Variants in MKI67 observed in about 807,000 individuals in gnomAD.
MKI67 encodes proliferation marker protein Ki-67.
Under a neutral mutation model 233.5 loss-of-function variants are expected in MKI67, and 152 were observed. The observed-to-expected ratio is 0.65, with a 90% confidence interval of 0.57 to 0.74. MKI67 has a LOEUF of 0.74. MKI67 is among the 30% of genes least tolerant of loss of function. MKI67 has a pLI of 0.00. For missense variants in MKI67, 3,940 were observed against 3,885.2 expected (o/e 1.01, Z -0.37); for synonymous variants, 1,465 against 1,418.5 (o/e 1.03, Z -0.74).
Position 128,104,167 on chromosome 10 carries a change from T to A in MKI67, c.7673A>T (p.Asp2558Val). 1 of 1,613,980 alleles carries A rather than the reference T, an allele frequency of 6.2e-7. No homozygotes were observed. The highest frequency in any genetic ancestry group is 8.5e-7 in the Non-Finnish European group (1 of 1,180,008). Residue 2558 changes from aspartate (D) to valine (V), a missense_variant, in exon 13 of 15, where the codon GAC becomes GTC. Transcript: ENST00000368654. The stretch of plus-strand genomic sequence containing the variant: ...GAAGAGCTCTTTGAAGTCAACCAGG[T>A]CTTCTAGAGCACGGGCCTTTTCCTT... ...TRKEKARALE[D>V]LVDFKELFSA...
rs773389589 is a variant in MKI67, at chr10:128,115,086, T to C, written c.1322A>G (p.Asn441Ser). ...GAGCCACAGAGTTAAAAATGGCTCATTGTGAATTTCAGTTTCCGTAGGCAG... is the reference window on the plus strand; with the variant it reads ...GAGCCACAGAGTTAAAAATGGCTCACTGTGAATTTCAGTTTCCGTAGGCAG... Reference protein sequence around the residue: ...EVLPTETEIHNEPFLTLWLTQ... With the variant: ...EVLPTETEIHSEPFLTLWLTQ... Residue 441 changes from asparagine to serine, a missense_variant, in exon 7 of 15, where the codon AAT (asparagine) becomes AGT (serine). Asn to Ser is a conservative substitution (Grantham distance 46, BLOSUM62 1). Transcript: ENST00000368654. The C allele has an allele frequency of 3.7e-6, 6 of 1,613,828 alleles. No individual in the cohort carries two copies. The highest frequency in any genetic ancestry group is 5.1e-6 in the Non-Finnish European group (6 of 1,179,824).
rs753414992 is a variant in MKI67, at chr10:128,106,757, T to G, written c.5083A>C (p.Arg1695=). ...TTTCCCTTAGGAGTTCTCAGCTGCCTCTTGCTGCCAGTTAGACTTGCTGCT... is the reference window on the plus strand; with the variant it reads ...TTTCCCTTAGGAGTTCTCAGCTGCCGCTTGCTGCCAGTTAGACTTGCTGCT... The part of the protein sequence containing the change: ...DSAASLTGSK[R]QLRTPKGKSE... The change falls in exon 13 of 15, where the codon AGG becomes CGG. Residue 1695 remains arginine, a synonymous_variant. Transcript: ENST00000368654. 1.2e-6 allele frequency: 2 copies of G among 1,613,918 alleles called. No individual in the cohort carries two copies. The highest frequency in any genetic ancestry group is 1.7e-6 in the Non-Finnish European group (2 of 1,180,028).
rs1196592028 is a variant in MKI67 at position 128,125,819 on chromosome 10, C to A, written c.-89-63G>T. 2.9e-6 allele frequency: 2 copies of A among 699,832 alleles called. No individual in the cohort carries two copies. The highest frequency in any genetic ancestry group is 1.6e-5 in the South Asian group (1 of 64,090). The allele number at this position is 699,832 out of a possible 1,614,324, so 43.4% of individuals were successfully genotyped here. A position where few individuals can be genotyped will look rare whatever the true frequency, so the allele number is the denominator to read the frequency against. On this transcript the variant is annotated intron_variant, in intron 1 of 14. Transcript: ENST00000368654. The surrounding 1 kb of genome is among the most constrained non-coding windows in gnomAD (Gnocchi z 5.3). ...GCTAAGAAGGGCCCCGTGCCCAATT[C>A]ACCTATCCCCGGCCACAGAAGCGCA...
intron 2 of MKI67, among the ~76,000 whole-genome samples, chr10:128,123,779 C>T (rs186853508): frequency 4.0e-5 from 6 of 151,840 alleles, no homozygotes; most frequent in African/African-American, 1.4e-4. Flanking sequence ...AGTCTCTAAA[C>T]AATAAAAATA....
intron 14 of MKI67, among the ~76,000 whole-genome samples, chr10:128,099,729 A>C (rs1852293914): frequency 6.6e-6 from 1 of 152,202 alleles, no homozygotes; most frequent in Non-Finnish European, 1.5e-5. Context: ...AGGGAGAGGA[A>C]CCATGGTGAA....
chr10:128,122,104 G>A (rs1390506831), intron 4 of MKI67, among the ~76,000 whole-genome samples: 1 of 152,168 alleles, frequency 6.6e-6, no homozygotes, highest in African/African-American at 2.4e-5. Context: ...TATGAGCTGA[G>A]GATGTATTAG....
At position 128,102,686 on chromosome 10, in the gene MKI67, A is replaced by G. The variant is rs754600796; in HGVS notation, c.9154T>C (p.Leu3052=). The change falls in exon 13 of 15, where the codon TTG becomes CTG. Residue 3052 remains leucine (L), a synonymous_variant. Transcript: ENST00000368654. ...SEPVVIMKRS[L]RTSAKRIEPA... ...TCAATTCTTTTTGCAGAAGTCCTCA[A>G]ACTTCTCTTCATGATGACCACGGGT... The G allele has an allele frequency of 6.2e-7, 1 of 1,614,126 alleles. No homozygotes were observed.
Position 128,125,326 on chromosome 10 carries a change from C to T in MKI67, c.92+250G>A, listed in dbSNP as rs977115185. On this transcript the variant is annotated intron_variant, in intron 2 of 14. Transcript: ENST00000368654. The surrounding 1 kb of genome is among the most constrained non-coding windows in gnomAD (Gnocchi z 5.3). ...GAAGATCATCTACATCTTTCTTTAC[C>T]GCAACATTAGCAAATCGATTTTTTT... 2.0e-5 allele frequency among the ~76,000 whole-genome samples: 3 copies of T among 152,066 alleles called. No homozygotes were observed. The highest frequency in any genetic ancestry group is 6.5e-5 in the Admixed American group (1 of 15,270).
chr10:128,107,607 T>G lies in MKI67; in HGVS notation c.4233A>C (p.Thr1411=). ...QKELSALKKL[T]QTSGETTHTD... is the part of the protein sequence containing the mutation. ...TGTGTGTGGTTTCCCCTGATGTCTG[T>G]GTGAGCTTCTTCAGGGCTGAGAGCT... The change falls in exon 13 of 15, where the codon ACA becomes ACC. Residue 1411 remains threonine, a synonymous_variant. Coordinates refer to ENST00000368654, the MANE Select transcript of MKI67 (RefSeq NM_002417.5). The G allele has an allele frequency of 6.2e-7, 1 of 1,614,208 alleles. No homozygotes were observed. The highest frequency in any genetic ancestry group is 8.5e-7 in the Non-Finnish European group (1 of 1,180,036).
Position 128,104,109 on chromosome 10 carries a change from A to G in MKI67, c.7731T>C (p.Thr2577=), listed in dbSNP as rs1255001540. Reference sequence around the variant, plus strand: ...AGGGAATTTTTGTGTTTTTGTCAATAGTCATTGACTCTTCAGTGTGACCTG... The same window carrying G: ...AGGGAATTTTTGTGTTTTTGTCAATGGTCATTGACTCTTCAGTGTGACCTG... The part of the protein sequence containing the change: ...SAPGHTEESM[T]IDKNTKIPCK... Residue 2577 remains threonine (T), a synonymous_variant, in exon 13 of 15, where the codon ACT becomes ACC. Transcript: ENST00000368654. 6.2e-6 allele frequency: 10 copies of G among 1,613,920 alleles called. No homozygotes were observed. Among genetic ancestry groups the G allele is most frequent in the Non-Finnish European group, 8.5e-6 (10 of 1,180,024 alleles).
In MKI67 at chr10:128,112,292, C is replaced by T. The variant is rs770072186; in HGVS notation, c.1810G>A (p.Ala604Thr). ...TCTGTCTGAGATTTGCTGCTGGAAG[C>T]AGGGGCTGTTTTGCAGGACCTACGG... is the stretch of plus-strand genomic sequence containing the variant. ...QRRRSCKTAP[A>T]SSSKSQTEVP... is the part of the protein sequence containing the mutation. The change falls in exon 9 of 15, where the codon GCT becomes ACT. Residue 604 changes from alanine (A) to threonine (T), a missense_variant. By Grantham distance (58) the Ala-to-Thr change is moderately conservative. Coordinates refer to ENST00000368654, the MANE Select transcript of MKI67 (RefSeq NM_002417.5). 21 of 1,614,072 alleles carry T rather than the reference C, an allele frequency of 1.3e-5. No individual in the cohort carries two copies. Among genetic ancestry groups the T allele is most frequent in the Non-Finnish European group, 1.7e-5 (20 of 1,180,052 alleles).
rs1318091944 is a variant in MKI67, at chr10:128,098,164, A to G, written c.*1026T>C. ...GAAAGTAAATGAAGATGAACGAGTT[A>G]TATCTACAAGTCTGAAGCTGGAGAA... On this transcript the variant is annotated 3_prime_UTR_variant, in exon 15 of 15. Transcript: ENST00000368654. 2 of 152,266 alleles carry G rather than the reference A, an allele frequency of 1.3e-5. No homozygotes were observed. Among genetic ancestry groups the G allele is most frequent in the Non-Finnish European group, 2.9e-5 (2 of 68,058 alleles). The allele number at this position is 152,266 out of a possible 1,614,324, so 9.4% of individuals were successfully genotyped here. A position where few individuals can be genotyped will look rare whatever the true frequency, so the allele number is the denominator to read the frequency against.
chr10:128,104,632 A>C lies in MKI67; in HGVS notation c.7208T>G (p.Phe2403Cys). Residue 2403 changes from phenylalanine to cysteine, a missense_variant, in exon 13 of 15, where the codon TTT (phenylalanine) becomes TGT (cysteine). By Grantham distance (205) the Phe-to-Cys change is radical. Coordinates refer to ENST00000368654, the MANE Select transcript of MKI67 (RefSeq NM_002417.5). ...CAGTTTCTGCACTGGAGTTTCCACA[A>C]ATGTGTTGATATTTTTCTCATCACT... ...AVSDEKNINT[F>C]VETPVQKLDL... 6.8e-6 allele frequency: 11 copies of C among 1,613,538 alleles called. No homozygotes were observed. Among genetic ancestry groups the C allele is most frequent in the Non-Finnish European group, 9.3e-6 (11 of 1,179,910 alleles).
intron 12 of MKI67, among the ~76,000 whole-genome samples, chr10:128,109,734 C>T (rs1420908222): frequency 6.6e-6 from 1 of 152,154 alleles, no homozygotes; most frequent in Non-Finnish European, 1.5e-5. Context: ...TAAATATAGG[C>T]ATTTTTTCCT....
intron 11 of MKI67, among the ~76,000 whole-genome samples, chr10:128,110,957 C>A (rs1179954762): frequency 6.6e-6 from 1 of 152,062 alleles, no homozygotes; most frequent in Non-Finnish European, 1.5e-5. Flanking sequence ...TAACACGTAC[C>A]CACATTTTAG....
chr10:128,099,113 G>A lies in MKI67; in HGVS notation c.*77C>T. On this transcript the variant is annotated 3_prime_UTR_variant, in exon 15 of 15. Transcript: ENST00000368654. ...ACAGCCTTACTTACAGAATTCACTT[G>A]TAATTTATGACAAAAACTGCACTAG... The A allele has an allele frequency of 2.6e-6, 3 of 1,167,150 alleles. No homozygotes were observed. The highest frequency in any genetic ancestry group is 3.7e-6 in the Non-Finnish European group (3 of 808,950). 72.3% of individuals were successfully genotyped at this position (1,167,150 alleles called of 1,614,324 possible). A position where few individuals can be genotyped will look rare whatever the true frequency, so the allele number is the denominator to read the frequency against.
chr10:128,115,798 TA>T lies in MKI67; in HGVS notation c.609del (p.Phe203LeufsTer9). On this transcript the variant is annotated frameshift_variant, in exon 7 of 15. Transcript: ENST00000368654. LOFTEE classifies it high-confidence loss of function. ...ACTAATTTAACGCTGGAAATTTCTT[TA>T]AAATCCCCAGAAATGGGATCAGCTG... Reference protein sequence around the residue: ...RNAADPISGDFKEISSVKLVS... With the variant: ...RNAADPISGDXKEISSVKLVS... 1 of 1,611,762 alleles carries T rather than the reference TA, an allele frequency of 6.2e-7. No individual in the cohort carries two copies.
Position 128,101,452 on chromosome 10 carries a change from CT to C in MKI67, c.9510del (p.Glu3171ArgfsTer30). 6.2e-7 allele frequency: 1 copy of C among 1,614,242 alleles called. No individual in the cohort carries two copies. The highest frequency in any genetic ancestry group is 8.5e-7 in the Non-Finnish European group (1 of 1,180,040). On this transcript the variant is annotated frameshift_variant, in exon 14 of 15. Coordinates refer to ENST00000368654, the MANE Select transcript of MKI67 (RefSeq NM_002417.5). LOFTEE classifies it high-confidence loss of function. The stretch of plus-strand genomic sequence containing the variant: ...GCACTCTTCTGCCCTCCGCTCTCCT[CT>C]GCCACCTTAGGCTGGGAGCTCTCAT... ...RQNESSQPKV[A>X]EESGGQKSAK...
At position 128,103,997 on chromosome 10, in the gene MKI67, C is replaced by T. The variant is rs764193191; in HGVS notation, c.7843G>A (p.Glu2615Lys). Residue 2615 changes from glutamate to lysine, a missense_variant, in exon 13 of 15, where the codon GAG becomes AAG. Coordinates refer to ENST00000368654, the MANE Select transcript of MKI67 (RefSeq NM_002417.5). ...KTRPRKEVKE[E>K]LSAVERLTQT... ...GTGAGCCTCTCAACTGCTGAGAGCTCCTCTTTTACTTCTTTCCTGGGACGT... is the reference window on the plus strand; with the variant it reads ...GTGAGCCTCTCAACTGCTGAGAGCTTCTCTTTTACTTCTTTCCTGGGACGT... The T allele has an allele frequency of 1.2e-6, 2 of 1,614,014 alleles. No homozygotes were observed. The highest frequency in any genetic ancestry group is 2.2e-5 in the South Asian group (2 of 91,084).
Sources: allele counts gnomAD v4.1 joint callset (sites outside exome capture counted in the v4.1 genomes callset), GRCh38; gene constraint gnomAD v4.1.1; non-coding constraint Gnocchi (gnomAD v3.1); transcripts MANE v1.5; gene names NCBI Gene and HGNC (gene_info 2026-07-23, HGNC 2026-07-21).